The following ANAPC2 variants were observed in gnomAD, a reference collection of about 807,000 sequenced individuals.
ANAPC2 encodes anaphase promoting complex subunit 2, also known as anaphase-promoting complex subunit 2.
A neutral mutation model predicts 84.3 loss-of-function variants in ANAPC2; 29 were observed. That is an observed-to-expected ratio of 0.34 (90% CI 0.26 to 0.47). ANAPC2 has a LOEUF of 0.47. ANAPC2 is among the 20% of genes least tolerant of loss of function. The probability of loss-of-function intolerance (pLI) is 1.00; values close to 1 mark genes in which losing one functional copy is unlikely to be tolerated. For synonymous variants in ANAPC2, 571 were observed against 479.4 expected (o/e 1.19, Z -2.50); for missense variants, 857 against 1,131.7 (o/e 0.76, Z 3.48).
intron 7 of ANAPC2, 70 bp downstream of exon 7, chr9:137,181,611 A>AGTC: frequency 7.1e-7 from 1 of 1,411,574 alleles, no homozygotes; most frequent in Non-Finnish European, 9.4e-7. Context: ...ACAAGGGATG[A>AGTC]GTCCAGAGCG....
rs768199316 is a variant in ANAPC2, at chr9:137,181,867, C to A, written c.1287-5G>T. 1 of 1,599,484 alleles carries A rather than the reference C, an allele frequency of 6.3e-7. No homozygotes were observed. Among genetic ancestry groups the A allele is most frequent in the Non-Finnish European group, 8.5e-7 (1 of 1,177,480 alleles). ...CGCACTGTGTCCTCCCGCGTCCTGC[C>A]GATGTGAGTGCTGCTGTGGCCCACA... On this transcript the variant is annotated splice_polypyrimidine_tract_variant and splice_region_variant and intron_variant, in intron 6 of 12. Transcript: ENST00000323927.
At chr9:137,183,008 G>T (rs966838783) in intron 6 of ANAPC2, 117 bp downstream of exon 6, 6 of 797,918 alleles carry the variant, frequency 7.5e-6, no homozygotes, top group Non-Finnish European at 1.2e-5. Flanking sequence ...CAGCCCAGCC[G>T]GGGGAGACCT....
At chr9:137,177,795 TAGAG>T (rs72240605) in intron 10 of ANAPC2, among the ~76,000 whole-genome samples, 8,927 of 152,152 alleles carry the variant, frequency 0.059, 333 homozygotes, top group Non-Finnish European at 0.087. Context: ...CACCCTGGAA[TAGAG>T]AGAGTGTTCT....
chr9:137,179,077 G>A (rs562961458), intron 10 of ANAPC2, among the ~76,000 whole-genome samples: 7 of 152,234 alleles, frequency 4.6e-5, no homozygotes, highest in African/African-American at 1.4e-4. Flanking sequence ...AGCCCCGCCC[G>A]CCCGCCGGCC....
intron 10 of ANAPC2, chr9:137,176,673 G>A (rs1834221489): frequency 6.6e-6 from 1 of 152,290 alleles, no homozygotes; most frequent in African/African-American, 2.4e-5. Flanking sequence ...GATGTCGGCA[G>A]CAATGCCGAC....
chr9:137,184,029 C>T (rs1206009498), intron 4 of ANAPC2, among the ~76,000 whole-genome samples: 3 of 152,218 alleles, frequency 2.0e-5, no homozygotes, highest in Non-Finnish European at 4.4e-5. Context: ...GGAGCCAAGG[C>T]CAAGGCAGCA....
chr9:137,186,078 C>T, intron 3 of ANAPC2, 146 bp downstream of exon 3: 1 of 1,138,112 alleles, frequency 8.8e-7, no homozygotes, highest in Non-Finnish European at 1.2e-6. Flanking sequence ...TGGTCTCTAC[C>T]CCACATCAAG....
In ANAPC2 at chr9:137,184,949, T is replaced by C; in HGVS notation, c.1012A>G (p.Ser338Gly). ...VQRFFYRIYASLRIEELFSIV... is the reference protein window; with the variant it reads ...VQRFFYRIYAGLRIEELFSIV... ...CTGAAGAGCTCCTCGATGCGCAGGC[T>C]GGCGTAGATGCGGTAGAAGAACCTT... Residue 338 changes from serine to glycine, a missense_variant, in exon 4 of 13, where the codon AGC (serine) becomes GGC (glycine). Transcript: ENST00000323927. 1 of 1,612,652 alleles carries C rather than the reference T, an allele frequency of 6.2e-7. No individual in the cohort carries two copies. Among genetic ancestry groups the C allele is most frequent in the Non-Finnish European group, 8.5e-7 (1 of 1,179,704 alleles).
chr9:137,180,990 TC>T, intron 7 of ANAPC2, 61 bp from the exon 8 acceptor site: 2 of 1,583,378 alleles, frequency 1.3e-6, no homozygotes, highest in Non-Finnish European at 1.7e-6. Flanking sequence ...AGGGCCGCCC[TC>T]CTCCCATCCC....
At chr9:137,181,106 A>G (rs1206895050) in intron 7 of ANAPC2, among the ~76,000 whole-genome samples, 177 bp from the exon 8 acceptor site, 1 of 152,178 alleles carries the variant, frequency 6.6e-6, no homozygotes, top group Non-Finnish European at 1.5e-5. Flanking sequence ...CTGGAGCAAC[A>G]GCTTCAATCC....
At position 137,174,793 on chromosome 9, in the gene ANAPC2, ACTTGC is replaced by A; in HGVS notation, c.*144_*148del. 1 of 1,388,186 alleles carries A rather than the reference ACTTGC, an allele frequency of 7.2e-7. No homozygotes were observed. Among genetic ancestry groups the A allele is most frequent in the East Asian group, 2.6e-5 (1 of 38,840 alleles). The allele number at this position is 1,388,186 out of a possible 1,614,324, so 86.0% of individuals were successfully genotyped here. On this transcript the variant is annotated 3_prime_UTR_variant, in exon 13 of 13. Coordinates refer to ENST00000323927, the MANE Select transcript of ANAPC2 (RefSeq NM_013366.4). The surrounding 1 kb of genome is among the most constrained non-coding windows in gnomAD (Gnocchi z 6.1). ...CACCAGGACAGAAAAGGATGATCTGACTTGCTTTAATCTGCACACTGCGGGGGTGG... is the reference window on the plus strand; with the variant it reads ...CACCAGGACAGAAAAGGATGATCTGATTTAATCTGCACACTGCGGGGGTGG...
chr9:137,179,567 TG>T (rs1231752106), intron 10 of ANAPC2, among the ~76,000 whole-genome samples: 3 of 152,200 alleles, frequency 2.0e-5, no homozygotes, highest in Non-Finnish European at 4.4e-5. Flanking sequence ...TGTCCCCATC[TG>T]CCAGTGACCT....
intron 4 of ANAPC2, 30 bp downstream of exon 4, chr9:137,184,883 G>A (rs1316456619): frequency 6.2e-7 from 1 of 1,607,008 alleles, no homozygotes; most frequent in Non-Finnish European, 8.5e-7. Context: ...CCAGACGGGA[G>A]AGCGGACCCC....
chr9:137,185,373 CG>C (rs1834442393), intron 3 of ANAPC2, among the ~76,000 whole-genome samples: 1 of 152,240 alleles, frequency 6.6e-6, no homozygotes, highest in Non-Finnish European at 1.5e-5. Context: ...CAGACACACA[CG>C]ACCTGTGCGC....
At chr9:137,175,864 C>T (rs1473925666) in intron 10 of ANAPC2, 27 bp from the exon 11 acceptor site, 2 of 1,581,600 alleles carry the variant, frequency 1.3e-6, no homozygotes, top group South Asian at 2.3e-5. Context: ...TCAGCACGGG[C>T]AGCTCGGCTG....
rs1751962119 is a variant in ANAPC2, at chr9:137,188,105, TG to T, written c.118-3del. 1 of 1,608,508 alleles carries T rather than the reference TG, an allele frequency of 6.2e-7. No homozygotes were observed. Among genetic ancestry groups the T allele is most frequent in the East Asian group, 2.2e-5 (1 of 44,822 alleles). ...TGCACCGCTGGTCCGGGAAGACACC[TG>T]GGGTGCAGAAAACCGTGAGGCGAGG... is the stretch of plus-strand genomic sequence containing the variant. On this transcript the variant is annotated splice_polypyrimidine_tract_variant and splice_region_variant and intron_variant, in intron 1 of 12. Transcript: ENST00000323927.
In ANAPC2 at chr9:137,175,122, G is replaced by A; in HGVS notation, c.2289C>T (p.Thr763=). Residue 763 remains threonine (T), a synonymous_variant, in exon 13 of 13, where the codon ACC becomes ACT. Transcript: ENST00000323927. ...LFWTYIQAML[T]NLESLSLDRI... ...GATCCAGTGAGAGGCTCTCCAGGTT[G>A]GTCAGCATGGCCTGGATGTACGTCC... The A allele has an allele frequency of 6.2e-7, 1 of 1,609,172 alleles. No individual in the cohort carries two copies. Among genetic ancestry groups the A allele is most frequent in the Non-Finnish European group, 8.5e-7 (1 of 1,178,394 alleles).
chr9:137,177,904 A>G (rs1199646353), intron 10 of ANAPC2, among the ~76,000 whole-genome samples: 1 of 152,148 alleles, frequency 6.6e-6, no homozygotes, highest in African/African-American at 2.4e-5. Flanking sequence ...GAGCTCCTGG[A>G]GCCCCCAGAA....
chr9:137,180,102 C>T (rs1054072561), intron 10 of ANAPC2, 79 bp downstream of exon 10: 132 of 1,467,700 alleles, frequency 9.0e-5, no homozygotes, highest in Admixed American at 1.4e-4. Context: ...GGGGCAGCCA[C>T]AGGCACCAGG....
Sources: allele counts gnomAD v4.1 joint callset (sites outside exome capture counted in the v4.1 genomes callset), GRCh38; gene constraint gnomAD v4.1.1; non-coding constraint Gnocchi (gnomAD v3.1); transcripts MANE v1.5; gene names NCBI Gene and HGNC (gene_info 2026-07-23, HGNC 2026-07-21).